ADARB1: variants seen among roughly 807,000 people sequenced by gnomAD.
ADARB1 encodes the protein adenosine deaminase RNA specific B1.
In ADARB1, 10 loss-of-function variants were observed where a neutral mutation model predicts 52.4. The observed-to-expected ratio is 0.19, with a 90% CI of 0.12 to 0.32. ADARB1 has a LOEUF of 0.32. Among genes scored for constraint, ADARB1 ranks in the 10% least tolerant of loss-of-function variants. The pLI is 1.00. For missense variants in ADARB1, 643 were observed against 922.3 expected (o/e 0.70, Z 3.92); for synonymous variants, 349 against 371.1 (o/e 0.94, Z 0.68).
rs1248780428 is a variant in ADARB1, at chr21:45,204,379, G to A, written c.1566-176G>A. ...TAAAATAACTTTTAAGTAGATTTTT[G>A]TCTTTGTGATCGTAAGCTGCTAAAT... On this transcript the variant is annotated intron_variant, in intron 8 of 10. Coordinates refer to ENST00000348831, the MANE Select transcript of ADARB1 (RefSeq NM_001112.4). This position sits in a 1 kb window ranked among gnomAD's most constrained non-coding sequence, Gnocchi z 4.4. Among the ~76,000 whole-genome samples the A allele has an allele frequency of 6.6e-6, 1 of 152,142 alleles. No individual in the cohort carries two copies. The highest frequency in any genetic ancestry group is 6.5e-5 in the Admixed American group (1 of 15,290).
At chr21:45,161,912 T>C (rs1305468471) in intron 2 of ADARB1, among the ~76,000 whole-genome samples, 2 of 152,176 alleles carry the variant, frequency 1.3e-5, no homozygotes, top group African/African-American at 4.8e-5. Context: ...AGCTGCCCAC[T>C]GTGGGTCTCT....
chr21:45,194,996 C>G (rs937335063), intron 8 of ADARB1, among the ~76,000 whole-genome samples: 2 of 152,220 alleles, frequency 1.3e-5, no homozygotes, highest in African/African-American at 4.8e-5. Context: ...AACTGCCAAA[C>G]TGTCCTTCAA....
rs397687918 is a variant in ADARB1 at position 45,153,351 on chromosome 21, T to TC, written c.-47-18258dup. On this transcript the variant is annotated intron_variant, in intron 2 of 10. Transcript: ENST00000348831. ...TTAAAAGCTGTTGATGTTTTTTTTT[T>TC]CTCTTTGTATAATATGAAATAATTA... Among the ~76,000 whole-genome samples the TC allele has an allele frequency of 6.0e-5, 9 of 148,884 alleles. No individual in the cohort carries two copies. In the South Asian group the frequency reaches 8.6e-4, roughly 14 times the overall value.
chr21:45,084,405 G>C (rs1228952168), intron 1 of ADARB1, among the ~76,000 whole-genome samples: 1 of 152,224 alleles, frequency 6.6e-6, no homozygotes, highest in Non-Finnish European at 1.5e-5. Context: ...TGAGGTATAG[G>C]AAGGGAGGGC....
intron 1 of ADARB1, among the ~76,000 whole-genome samples, chr21:45,083,920 C>T (rs2086243503): frequency 6.6e-6 from 1 of 152,168 alleles, no homozygotes; most frequent in Non-Finnish European, 1.5e-5. Flanking sequence ...AGGCTGGTCT[C>T]GAGCTCCTGG....
At chr21:45,213,938 G>C (rs1234953549) in intron 9 of ADARB1, among the ~76,000 whole-genome samples, 1 of 152,206 alleles carries the variant, frequency 6.6e-6, no homozygotes, top group African/African-American at 2.4e-5. Context: ...TAAGATAGGT[G>C]TATGTTGAAC....
intron 8 of ADARB1, among the ~76,000 whole-genome samples, chr21:45,191,366 C>G (rs12483288): frequency 0.83 from 126,531 of 152,146 alleles, 53,685 homozygotes; most frequent in South Asian, 0.93. Flanking sequence ...TCCTGAATCT[C>G]AGAGAGATTG....
chr21:45,224,987 C>G lies in ADARB1; in HGVS notation c.*2790C>G, dbSNP rs923198944. The stretch of plus-strand genomic sequence containing the variant: ...GCTTTTAGAGACTTAGCAGAAAATT[C>G]GACACAAGCAGGAACTTGATTTTTT... On this transcript the variant is annotated 3_prime_UTR_variant, in exon 11 of 11. Transcript: ENST00000348831. 1 of 985,178 alleles carries G rather than the reference C, an allele frequency of 1.0e-6. No homozygotes were observed. The highest frequency in any genetic ancestry group is 1.2e-6 in the Non-Finnish European group (1 of 829,916). 61.0% of individuals were successfully genotyped at this position (985,178 alleles called of 1,614,324 possible). A position where few individuals can be genotyped will look rare whatever the true frequency, so the allele number is the denominator to read the frequency against.
chr21:45,203,005 G>A (rs1020739599), intron 8 of ADARB1, among the ~76,000 whole-genome samples: 17 of 151,398 alleles, frequency 1.1e-4, no homozygotes, highest in African/African-American at 2.9e-4. Context: ...CCCCTGCAGC[G>A]TGTGCCACAC....
intron 8 of ADARB1, among the ~76,000 whole-genome samples, chr21:45,193,827 A>C (rs1422731457): frequency 6.6e-6 from 1 of 152,238 alleles, no homozygotes; most frequent in Non-Finnish European, 1.5e-5. Flanking sequence ...TAGAGAAATT[A>C]AAGAACTAAA....
intron 1 of ADARB1, among the ~76,000 whole-genome samples, chr21:45,126,563 C>T (rs867367517): frequency 2.6e-5 from 4 of 152,156 alleles, no homozygotes; most frequent in African/African-American, 4.8e-5. Context: ...TCCTTGTGTC[C>T]TCGTCCTGTC....
intron 1 of ADARB1, among the ~76,000 whole-genome samples, chr21:45,097,156 A>G (rs2086798787): frequency 6.6e-6 from 1 of 152,232 alleles, no homozygotes; most frequent in South Asian, 2.1e-4. Context: ...CCCTTTAGGT[A>G]CGAGATGGGT....
intron 1 of ADARB1, among the ~76,000 whole-genome samples, chr21:45,081,310 C>T (rs137956989): frequency 6.6e-6 from 1 of 152,164 alleles, no homozygotes; most frequent in Non-Finnish European, 1.5e-5. Flanking sequence ...CAACTACACA[C>T]GGACCCGGCT....
Position 45,097,472 on chromosome 21 carries a change from G to A in ADARB1, c.-220+22679G>A, listed in dbSNP as rs559213034. Among the ~76,000 whole-genome samples, 5 of 151,564 alleles carry A rather than the reference G, an allele frequency of 3.3e-5. No individual in the cohort carries two copies. The East Asian group carries it at 9.7e-4, about 29-fold the overall frequency. On this transcript the variant is annotated intron_variant, in intron 1 of 10. Transcript: ENST00000348831. The stretch of plus-strand genomic sequence containing the variant: ...TTTTTTCTGGAGGTGGGAAGCCATT[G>A]TGGTTGGGGGCATGAACTCAGAGTT...
chr21:45,119,801 A>G (rs1404168140), intron 1 of ADARB1, among the ~76,000 whole-genome samples: 1 of 152,248 alleles, frequency 6.6e-6, no homozygotes, highest in Non-Finnish European at 1.5e-5. Flanking sequence ...GAAACTATGA[A>G]TTGTCATCGT....
chr21:45,219,408 C>T (rs191698734), intron 9 of ADARB1, among the ~76,000 whole-genome samples: 3 of 152,234 alleles, frequency 2.0e-5, no homozygotes, highest in East Asian at 1.9e-4. Flanking sequence ...CCTGTAGTCC[C>T]AGGTACTTGG....
intron 2 of ADARB1, among the ~76,000 whole-genome samples, chr21:45,158,364 A>T (rs1352714222): frequency 3.3e-5 from 5 of 152,038 alleles, no homozygotes; most frequent in African/African-American, 1.2e-4. Context: ...GAACACAGTG[A>T]GGCAGAATGT....
At chr21:45,087,884 A>G (rs904630878) in intron 1 of ADARB1, among the ~76,000 whole-genome samples, 9 of 152,196 alleles carry the variant, frequency 5.9e-5, no homozygotes, top group African/African-American at 2.2e-4. Context: ...AGAGAACTGT[A>G]CAAAATAGTA....
intron 1 of ADARB1, among the ~76,000 whole-genome samples, chr21:45,078,225 A>G (rs2086022137): frequency 6.6e-6 from 1 of 152,192 alleles, no homozygotes; most frequent in Admixed American, 6.5e-5. Context: ...TTGTATTTTT[A>G]TTGGAAGTAC....
Sources: gnomAD v4.1 joint callset for allele counts (sites outside exome capture counted in the v4.1 genomes callset) on GRCh38, gnomAD v4.1.1 for gene constraint, Gnocchi (gnomAD v3.1) non-coding constraint, MANE v1.5 for transcripts, NCBI Gene and HGNC (gene_info 2026-07-23, HGNC 2026-07-21) for gene names.